ADGRL3: variants seen among roughly 807,000 people sequenced by gnomAD.
ADGRL3 encodes the protein calcium-independent alpha-latrotoxin receptor 3.
A neutral mutation model predicts 153.5 loss-of-function variants in ADGRL3; 62 were observed. The observed-to-expected ratio is 0.40, with a 90% confidence interval of 0.33 to 0.50. The LOEUF (loss-of-function observed/expected upper bound fraction) is 0.50. Among genes scored for constraint, ADGRL3 ranks in the 20% least tolerant of loss-of-function variants. ADGRL3 has a pLI of 0.47. For missense variants in ADGRL3, 1,641 were observed against 1,859.4 expected (o/e 0.88, Z 2.16); for synonymous variants, 710 against 672.5 (o/e 1.06, Z -0.86).
At chr4:61,327,340 T>A (rs201555371) in intron 1 of ADGRL3, among the ~76,000 whole-genome samples, 1 of 143,608 alleles carries the variant, frequency 7.0e-6, no homozygotes, top group African/African-American at 2.5e-5. Flanking sequence ...TTTTTTTTTT[T>A]AATTTTGCTG....
chr4:61,824,917 G>C (rs1031927364), intron 9 of ADGRL3, among the ~76,000 whole-genome samples: 1 of 152,044 alleles, frequency 6.6e-6, no homozygotes, highest in African/African-American at 2.4e-5. Flanking sequence ...TCTTTTAGTA[G>C]GGGTTGGAAT....
chr4:61,789,476 T>A (rs2097315851), intron 8 of ADGRL3, among the ~76,000 whole-genome samples: 1 of 152,214 alleles, frequency 6.6e-6, no homozygotes, highest in South Asian at 2.1e-4. Flanking sequence ...ATCAAATATA[T>A]TGGCAATTAT....
intron 3 of ADGRL3, among the ~76,000 whole-genome samples, chr4:61,497,920 AAG>A (rs1369278962): frequency 6.6e-6 from 1 of 152,130 alleles, no homozygotes; most frequent in Non-Finnish European, 1.5e-5. Context: ...GCTTTTTAAA[AAG>A]AGCTCTTGCA....
intron 5 of ADGRL3, among the ~76,000 whole-genome samples, chr4:61,662,185 G>A (rs1037506303): frequency 3.2e-4 from 49 of 152,146 alleles, no homozygotes; most frequent in African/African-American, 1.1e-3. Context: ...GTGAAGCTGC[G>A]GCCTCCCAGC....
intron 1 of ADGRL3, among the ~76,000 whole-genome samples, chr4:61,335,025 AC>A (rs2095648367): frequency 6.6e-6 from 1 of 152,166 alleles, no homozygotes; most frequent in Admixed American, 6.6e-5. Flanking sequence ...TCTTTTAAAA[AC>A]ACATTTACAA....
rs1310443023 is a variant in ADGRL3, at chr4:61,885,322, CCTT to C, written c.1481-7331_1481-7329del. The stretch of plus-strand genomic sequence containing the variant: ...CAGCCTGGGCAACAAGAGTGAAACT[CCTT>C]CTCAGAAAATAAAAATAAATAAATA... On this transcript the variant is annotated intron_variant, in intron 9 of 26. Coordinates refer to ENST00000683033, the MANE Select transcript of ADGRL3 (RefSeq NM_001387552.1). Among the ~76,000 whole-genome samples, 3 of 152,084 alleles carry C rather than the reference CCTT, an allele frequency of 2.0e-5. No individual in the cohort carries two copies. The East Asian group carries it at 5.8e-4, about 30-fold the overall frequency.
At chr4:61,865,571 T>C (rs1031451390) in intron 9 of ADGRL3, among the ~76,000 whole-genome samples, 1 of 152,180 alleles carries the variant, frequency 6.6e-6, no homozygotes, top group African/African-American at 2.4e-5. Context: ...CCTAAAATAA[T>C]CCAGTTATTG....
At chr4:61,965,728 G>T (rs1036311828) in intron 17 of ADGRL3, among the ~76,000 whole-genome samples, 2 of 151,966 alleles carry the variant, frequency 1.3e-5, no homozygotes, top group Non-Finnish European at 2.9e-5. Flanking sequence ...TCCAGTCTGG[G>T]CGACTGAGCA....
chr4:61,572,114 C>T (rs2098841422), intron 4 of ADGRL3, among the ~76,000 whole-genome samples: 1 of 151,974 alleles, frequency 6.6e-6, no homozygotes, highest in African/African-American at 2.4e-5. Flanking sequence ...TTTGAAAATT[C>T]TTTTGGCTTT....
rs200864436 is a variant in ADGRL3 at position 61,361,481 on chromosome 4, G to A, written c.-239-21643G>A. Among the ~76,000 whole-genome samples, 3 of 152,130 alleles carry A rather than the reference G, an allele frequency of 2.0e-5. No individual in the cohort carries two copies. The East Asian group carries it at 5.8e-4, about 29-fold the overall frequency. ...TAAAATGAAGTACTTTAAGGGTATG[G>A]CCTTTGGGGTTAGATAGGCTTGATT... On this transcript the variant is annotated intron_variant, in intron 1 of 26. Transcript: ENST00000683033.
intron 21 of ADGRL3, among the ~76,000 whole-genome samples, chr4:62,012,358 C>A (rs2099190639): frequency 6.6e-6 from 1 of 152,140 alleles, no homozygotes; most frequent in Non-Finnish European, 1.5e-5. Context: ...AAAATGTGTG[C>A]AAAATAATAA....
At chr4:61,480,534 C>T (rs916751055) in intron 2 of ADGRL3, among the ~76,000 whole-genome samples, 2 of 152,072 alleles carry the variant, frequency 1.3e-5, no homozygotes, top group Non-Finnish European at 2.9e-5. Context: ...GCCTATAATT[C>T]CGGCACTTTG....
chr4:61,924,262 C>A (rs1193213327), intron 13 of ADGRL3, among the ~76,000 whole-genome samples: 1 of 152,082 alleles, frequency 6.6e-6, no homozygotes, highest in African/African-American at 2.4e-5. Flanking sequence ...CTAATTGACA[C>A]TTCTTTCCAG....
chr4:61,963,060 A>T (rs2150517863), intron 17 of ADGRL3, among the ~76,000 whole-genome samples: 1 of 152,246 alleles, frequency 6.6e-6, no homozygotes, highest in East Asian at 1.9e-4. Context: ...AGGAAGTGAC[A>T]TCACTTCCTA....
At chr4:61,848,801 C>G (rs566769421) in intron 9 of ADGRL3, among the ~76,000 whole-genome samples, 1 of 152,244 alleles carries the variant, frequency 6.6e-6, no homozygotes, top group Non-Finnish European at 1.5e-5. Flanking sequence ...CTTCCTATGG[C>G]TACGATCTGT....
chr4:61,896,621 A>T (rs72638592), intron 11 of ADGRL3, among the ~76,000 whole-genome samples: 1 of 152,186 alleles, frequency 6.6e-6, no homozygotes, highest in Non-Finnish European at 1.5e-5. Flanking sequence ...TATACTGTAT[A>T]ATAATCCATA....
intron 23 of ADGRL3, among the ~76,000 whole-genome samples, chr4:62,034,370 T>C (rs1369449085): frequency 6.6e-6 from 1 of 151,904 alleles, no homozygotes; most frequent in Non-Finnish European, 1.5e-5. Flanking sequence ...GCCCTAATTT[T>C]GAACGCTTAT....
chr4:61,694,176 A>ATT (rs2095592928), intron 6 of ADGRL3, among the ~76,000 whole-genome samples: 6 of 94,702 alleles, frequency 6.3e-5, no homozygotes, highest in African/African-American at 3.7e-5. Context: ...AAATTTTGTC[A>ATT]TTATTTTTTT....
At chr4:61,696,865 C>T (rs540638790) in intron 6 of ADGRL3, among the ~76,000 whole-genome samples, 66 of 151,780 alleles carry the variant, frequency 4.3e-4, no homozygotes, top group African/African-American at 1.4e-3. Context: ...TTAGTAGAGA[C>T]GAGGTTTCAC....
Sources: allele counts gnomAD v4.1 joint callset (sites outside exome capture counted in the v4.1 genomes callset), GRCh38; gene constraint gnomAD v4.1.1; transcripts MANE v1.5; gene names NCBI Gene and HGNC (gene_info 2026-07-23, HGNC 2026-07-21).